The following SGCZ variants were observed in gnomAD, a reference collection of about 807,000 sequenced individuals.
SGCZ encodes zeta-sarcoglycan.
Under a neutral mutation model 41.3 loss-of-function variants are expected in SGCZ, and 40 were observed. That is an observed-to-expected ratio of 0.97 (90% CI 0.75 to 1.26). The LOEUF is 1.26. Ranked by LOEUF, SGCZ falls within the 50% of genes most tolerant of loss-of-function variation. The probability of loss-of-function intolerance (pLI) is 0.00; values close to 1 mark genes in which losing one functional copy is unlikely to be tolerated. For synonymous variants in SGCZ, 206 were observed against 137.5 expected (o/e 1.50, Z -3.49); for missense variants, 552 against 369.8 (o/e 1.49, Z -4.04).
intron 1 of SGCZ, among the ~76,000 whole-genome samples, chr8:14,833,427 G>C (rs1250663748): frequency 6.6e-6 from 1 of 152,272 alleles, no homozygotes; most frequent in East Asian, 1.9e-4. Context: ...GTGTCTTTTT[G>C]TGAGGTATTT....
At chr8:14,639,423 G>C (rs1288615879) in intron 1 of SGCZ, among the ~76,000 whole-genome samples, 1 of 151,594 alleles carries the variant, frequency 6.6e-6, no homozygotes, top group Non-Finnish European at 1.5e-5. Context: ...TTTAACAAGA[G>C]GGATAGATTA....
intron 1 of SGCZ, among the ~76,000 whole-genome samples, chr8:15,035,717 C>A (rs1467838138): frequency 6.6e-6 from 1 of 151,806 alleles, no homozygotes; most frequent in Non-Finnish European, 1.5e-5. Context: ...AAATTGAAGT[C>A]AAAACTGTCA....
intron 1 of SGCZ, among the ~76,000 whole-genome samples, chr8:15,159,734 C>CA: frequency 2.6e-5 from 1 of 38,598 alleles, no homozygotes; most frequent in Non-Finnish European, 5.9e-5. Context: ...CGCCCCCGCC[C>CA]CCCCCACCCT....
At chr8:14,902,027 G>T (rs1585363481) in intron 1 of SGCZ, among the ~76,000 whole-genome samples, 2 of 152,160 alleles carry the variant, frequency 1.3e-5, no homozygotes, top group African/African-American at 4.8e-5. Context: ...ATTTTAATAT[G>T]CAAATTATTA....
chr8:14,164,714 G>A lies in SGCZ; in HGVS notation c.425-12C>T. ...CACAGCATCAGCTCCTATGGTCAGAGGAAAGGTTTAAAAATGAAACTGGTA... is the reference window on the plus strand; with the variant it reads ...CACAGCATCAGCTCCTATGGTCAGAAGAAAGGTTTAAAAATGAAACTGGTA... On this transcript the variant is annotated splice_polypyrimidine_tract_variant and intron_variant, in intron 4 of 7. Transcript: ENST00000382080. 6.2e-7 allele frequency: 1 copy of A among 1,611,598 alleles called. No individual in the cohort carries two copies. The highest frequency in any genetic ancestry group is 8.5e-7 in the Non-Finnish European group (1 of 1,179,000).
chr8:14,276,040 G>A (rs1300903856), intron 3 of SGCZ, among the ~76,000 whole-genome samples: 1 of 152,198 alleles, frequency 6.6e-6, no homozygotes, highest in Non-Finnish European at 1.5e-5. Flanking sequence ...AAGCCATGAT[G>A]CTTCTCCGCC....
chr8:14,594,520 C>T (rs1470814260), intron 1 of SGCZ, among the ~76,000 whole-genome samples: 2 of 150,102 alleles, frequency 1.3e-5, no homozygotes, highest in Admixed American at 6.6e-5. Context: ...ATATAATTCC[C>T]GTGGACTATA....
intron 1 of SGCZ, among the ~76,000 whole-genome samples, chr8:14,836,469 C>T (rs1462974522): frequency 6.6e-6 from 1 of 152,070 alleles, no homozygotes; most frequent in Non-Finnish European, 1.5e-5. Context: ...TAGTCTGTCG[C>T]CCTCCCTCTC....
intron 1 of SGCZ, among the ~76,000 whole-genome samples, chr8:14,997,620 C>T (rs866180059): frequency 3.2e-4 from 49 of 152,106 alleles, no homozygotes; most frequent in African/African-American, 1.1e-3. Context: ...TGATTTTCTG[C>T]ACCACTAAAA....
chr8:14,867,779 A>G (rs1010289590), intron 1 of SGCZ, among the ~76,000 whole-genome samples: 1 of 152,036 alleles, frequency 6.6e-6, no homozygotes, highest in Non-Finnish European at 1.5e-5. Context: ...GGAGAGTGGG[A>G]GAAGGGAGAG....
chr8:14,267,652 G>A (rs373535746), intron 3 of SGCZ, among the ~76,000 whole-genome samples: 3 of 152,134 alleles, frequency 2.0e-5, no homozygotes, highest in African/African-American at 7.2e-5. Context: ...GAGAGTTTTT[G>A]ATGATTGATG....
At chr8:14,660,438 G>A (rs1807710375) in intron 1 of SGCZ, among the ~76,000 whole-genome samples, 1 of 151,802 alleles carries the variant, frequency 6.6e-6, no homozygotes, top group African/African-American at 2.4e-5. Flanking sequence ...CAGGCGTGGT[G>A]GTGGGCACCT....
intron 5 of SGCZ, among the ~76,000 whole-genome samples, chr8:14,120,486 A>G (rs1431659498): frequency 6.6e-6 from 1 of 152,120 alleles, no homozygotes; most frequent in African/African-American, 2.4e-5. Context: ...CAAAAGTACA[A>G]TGTGGTTTTA....
At chr8:14,978,650 A>T (rs1273461268) in intron 1 of SGCZ, among the ~76,000 whole-genome samples, 1 of 151,996 alleles carries the variant, frequency 6.6e-6, no homozygotes, top group Non-Finnish European at 1.5e-5. Flanking sequence ...GCCTGAAACA[A>T]GTCTTCAAAT....
intron 1 of SGCZ, among the ~76,000 whole-genome samples, chr8:14,799,510 A>G (rs1370073451): frequency 4.6e-5 from 7 of 151,994 alleles, no homozygotes; most frequent in African/African-American, 1.7e-4. Flanking sequence ...TAACCCTGGC[A>G]TGGTGATTCT....
At chr8:14,126,153 T>G (rs1276486034) in intron 5 of SGCZ, among the ~76,000 whole-genome samples, 3 of 152,136 alleles carry the variant, frequency 2.0e-5, no homozygotes, top group Non-Finnish European at 4.4e-5. Flanking sequence ...CTAAAGAGCT[T>G]CTGCACAGCC....
At chr8:15,079,903 T>C (rs1358165909) in intron 1 of SGCZ, among the ~76,000 whole-genome samples, 1 of 152,134 alleles carries the variant, frequency 6.6e-6, no homozygotes, top group Non-Finnish European at 1.5e-5. Flanking sequence ...CCTTTTGGAA[T>C]CCCCAGTGTC....
intron 1 of SGCZ, among the ~76,000 whole-genome samples, chr8:14,788,742 T>G (rs1800852101): frequency 6.6e-6 from 1 of 152,170 alleles, no homozygotes; most frequent in African/African-American, 2.4e-5. Context: ...ACCGAACCAT[T>G]GCTCCTGCAA....
At chr8:14,442,203 T>G (rs970850695) in intron 2 of SGCZ, among the ~76,000 whole-genome samples, 4 of 152,224 alleles carry the variant, frequency 2.6e-5, no homozygotes, top group Non-Finnish European at 5.9e-5. Context: ...AATTCCCATG[T>G]GTCATGGGAG....
Sources: gnomAD v4.1 joint callset for allele counts (sites outside exome capture counted in the v4.1 genomes callset) on GRCh38, gnomAD v4.1.1 for gene constraint, MANE v1.5 for transcripts, NCBI Gene and HGNC (gene_info 2026-07-23, HGNC 2026-07-21) for gene names.